Variants in EPHB1 observed in about 807,000 individuals in gnomAD.
EPHB1 encodes ephrin type-B receptor 1.
Under a neutral mutation model 94.4 loss-of-function variants are expected in EPHB1, and 30 were observed. That is an observed-to-expected ratio of 0.32 (90% CI 0.24 to 0.43). EPHB1 has a LOEUF of 0.43. Among genes scored for constraint, EPHB1 ranks in the 20% least tolerant of loss-of-function variants. The probability of loss-of-function intolerance (pLI) is 1.00; values close to 1 mark genes in which losing one functional copy is unlikely to be tolerated. For missense variants in EPHB1, 1,055 were observed against 1,308.3 expected (o/e 0.81, Z 2.99); for synonymous variants, 522 against 489.1 (o/e 1.07, Z -0.89).
chr3:135,097,636 A>T (rs935481534), intron 3 of EPHB1, among the ~76,000 whole-genome samples: 1 of 152,228 alleles, frequency 6.6e-6, no homozygotes, highest in Non-Finnish European at 1.5e-5. Flanking sequence ...ACAGTAAGTT[A>T]CAGTCTCTTC....
At chr3:134,877,611 G>T (rs199802460) in intron 1 of EPHB1, among the ~76,000 whole-genome samples, 3 of 152,180 alleles carry the variant, frequency 2.0e-5, no homozygotes, top group Non-Finnish European at 2.9e-5. Flanking sequence ...TGACAACAAA[G>T]AAACTAGGTT....
At chr3:135,119,613 G>C (rs1481030928) in intron 4 of EPHB1, among the ~76,000 whole-genome samples, 1 of 151,928 alleles carries the variant, frequency 6.6e-6, no homozygotes, top group Non-Finnish European at 1.5e-5. Context: ...CACCATGCCT[G>C]GCTAATTTTT....
At chr3:135,047,041 A>T (rs1284904861) in intron 3 of EPHB1, among the ~76,000 whole-genome samples, 1 of 152,162 alleles carries the variant, frequency 6.6e-6, no homozygotes, top group Non-Finnish European at 1.5e-5. Context: ...CAGGAAGCTG[A>T]GGAGGATAGT....
In EPHB1 at chr3:135,248,308, C is replaced by T; in HGVS notation, c.2497-8C>T. 1 of 1,572,384 alleles carries T rather than the reference C, an allele frequency of 6.4e-7. No homozygotes were observed. Among genetic ancestry groups the T allele is most frequent in the South Asian group, 1.2e-5 (1 of 86,362 alleles). ...TCAATCACACCTGTTCCCTGTATGT[C>T]ACTGCAGGTCATCAATGCCATCGAG... On this transcript the variant is annotated splice_region_variant and splice_polypyrimidine_tract_variant and intron_variant, in intron 13 of 15. Coordinates refer to ENST00000398015, the MANE Select transcript of EPHB1 (RefSeq NM_004441.5).
chr3:134,931,760 T>A (rs1490019187), intron 2 of EPHB1, among the ~76,000 whole-genome samples: 2 of 152,228 alleles, frequency 1.3e-5, no homozygotes, highest in African/African-American at 4.8e-5. Context: ...TGTGTGCATG[T>A]ATATATGAGT....
chr3:135,183,782 G>A (rs1179544409), intron 10 of EPHB1, among the ~76,000 whole-genome samples: 1 of 152,208 alleles, frequency 6.6e-6, no homozygotes, highest in Non-Finnish European at 1.5e-5. Context: ...TTGCTGGAGA[G>A]GGATTGCCTG....
intron 1 of EPHB1, among the ~76,000 whole-genome samples, chr3:134,903,400 T>C (rs992092547): frequency 7.2e-5 from 11 of 152,240 alleles, no homozygotes; most frequent in Non-Finnish European, 1.3e-4. Flanking sequence ...ATCCAACCTC[T>C]CTGGCCTCTT....
chr3:134,907,061 G>T (rs2038347555), intron 1 of EPHB1, among the ~76,000 whole-genome samples: 2 of 152,170 alleles, frequency 1.3e-5, no homozygotes, highest in Non-Finnish European at 2.9e-5. Flanking sequence ...ATAATAATTA[G>T]CATTGATAAG....
chr3:134,938,729 C>G (rs2039059529), intron 2 of EPHB1, among the ~76,000 whole-genome samples: 1 of 152,186 alleles, frequency 6.6e-6, no homozygotes, highest in Non-Finnish European at 1.5e-5. Context: ...ACAAGGGGCT[C>G]TTACTGGGGT....
chr3:134,922,756 C>T (rs1391878052), intron 1 of EPHB1, among the ~76,000 whole-genome samples: 1 of 152,126 alleles, frequency 6.6e-6, no homozygotes, highest in Non-Finnish European at 1.5e-5. Context: ...CCTGCCAGAC[C>T]CCAGAGCTTC....
At chr3:134,964,018 T>C (rs541580711) in intron 3 of EPHB1, among the ~76,000 whole-genome samples, 6 of 152,188 alleles carry the variant, frequency 3.9e-5, no homozygotes, top group Non-Finnish European at 7.3e-5. Flanking sequence ...CTCTACTCCC[T>C]AAGCTCCTCA....
At chr3:135,073,114 T>C (rs899843139) in intron 3 of EPHB1, among the ~76,000 whole-genome samples, 8 of 121,188 alleles carry the variant, frequency 6.6e-5, no homozygotes, top group Admixed American at 2.5e-4. Context: ...AGATTTTATA[T>C]GAAAAATCAT....
At chr3:135,072,158 G>A (rs1242291842) in intron 3 of EPHB1, among the ~76,000 whole-genome samples, 1 of 152,124 alleles carries the variant, frequency 6.6e-6, no homozygotes, top group Non-Finnish European at 1.5e-5. Flanking sequence ...TGGGTCACCT[G>A]AGGCCCAAGG....
At chr3:135,162,225 G>C in intron 7 of EPHB1, 45 bp downstream of exon 7, 3 of 1,512,594 alleles carry the variant, frequency 2.0e-6, no homozygotes, top group Middle Eastern at 1.8e-4. Flanking sequence ...GGCAGGCAGT[G>C]TGGGAGAAAA....
chr3:135,029,077 G>C (rs973364245), intron 3 of EPHB1, among the ~76,000 whole-genome samples: 19 of 124,788 alleles, frequency 1.5e-4, no homozygotes, highest in African/African-American at 5.0e-4. Flanking sequence ...CCCTTTGCTT[G>C]GTAGATCTTC....
chr3:135,205,990 A>C (rs1316823133), intron 12 of EPHB1, among the ~76,000 whole-genome samples: 1 of 152,222 alleles, frequency 6.6e-6, no homozygotes, highest in African/African-American at 2.4e-5. Flanking sequence ...GAACATTGCC[A>C]TCAAACCAGG....
chr3:135,038,807 G>C (rs935206646), intron 3 of EPHB1, among the ~76,000 whole-genome samples: 1 of 152,018 alleles, frequency 6.6e-6, no homozygotes, highest in Admixed American at 6.5e-5. Context: ...TTATTGCAAA[G>C]AGCGAAAGAA....
chr3:134,885,586 C>T (rs922743826), intron 1 of EPHB1, among the ~76,000 whole-genome samples: 1 of 152,180 alleles, frequency 6.6e-6, no homozygotes, highest in Non-Finnish European at 1.5e-5. Flanking sequence ...AGTTCTGTAG[C>T]TGTATAACTC....
chr3:134,869,521 C>T (rs756987846), intron 1 of EPHB1, among the ~76,000 whole-genome samples: 6 of 152,298 alleles, frequency 3.9e-5, no homozygotes, highest in African/African-American at 7.2e-5. Flanking sequence ...CTGAACCACT[C>T]GCTGAGGTCA....
Sources: allele counts gnomAD v4.1 joint callset (sites outside exome capture counted in the v4.1 genomes callset), GRCh38; gene constraint gnomAD v4.1.1; transcripts MANE v1.5; gene names NCBI Gene and HGNC (gene_info 2026-07-23, HGNC 2026-07-21).